Variants in GABRG3 observed in about 807,000 individuals in gnomAD.
GABRG3 encodes gamma-aminobutyric acid receptor subunit gamma-3.
Under a neutral mutation model 48.8 loss-of-function variants are expected in GABRG3, and 25 were observed. The observed-to-expected ratio is 0.51, with a 90% CI of 0.37 to 0.72. The LOEUF is 0.72. GABRG3 is among the 30% of genes least tolerant of loss of function. The pLI is 0.00. For missense variants in GABRG3, 394 were observed against 577.9 expected (o/e 0.68, Z 3.26); for synonymous variants, 227 against 217.6 (o/e 1.04, Z -0.38).
chr15:27,041,675 C>A (rs1896279162), intron 3 of GABRG3, among the ~76,000 whole-genome samples: 1 of 152,208 alleles, frequency 6.6e-6, no homozygotes, highest in South Asian at 2.1e-4. Context: ...TGCCAATCAT[C>A]AAAGCCAGAA....
At chr15:27,403,914 CAAAAAAAAA>C (rs528760544) in intron 5 of GABRG3, among the ~76,000 whole-genome samples, 10 of 68,554 alleles carry the variant, frequency 1.5e-4, no homozygotes, top group Admixed American at 1.0e-3. Flanking sequence ...CAAAAAAAAA[CAAAAAAAAA>C]AAAAACAAAA....
chr15:27,540,975 T>C lies in GABRG3; in HGVS notation c.*8094T>C, dbSNP rs1400234323. ...CGATAGCGTATTAGCACTAAGCCTC[T>C]GGTTAGGATAAAAAGGAGCAAGGGA... On this transcript the variant is annotated 3_prime_UTR_variant, in exon 10 of 10. Transcript: ENST00000615808. 2 of 152,156 alleles carry C rather than the reference T, an allele frequency of 1.3e-5. No individual in the cohort carries two copies. Among genetic ancestry groups the C allele is most frequent in the Non-Finnish European group, 2.9e-5 (2 of 68,040 alleles). 9.4% of individuals were successfully genotyped at this position (152,156 alleles called of 1,614,324 possible). A position where few individuals can be genotyped will look rare whatever the true frequency, so the allele number is the denominator to read the frequency against.
In GABRG3 at chr15:27,204,799, C is replaced by T. The variant is rs966247816; in HGVS notation, c.271-122010C>T. On this transcript the variant is annotated intron_variant, in intron 3 of 9. Transcript: ENST00000615808. ...TCTACATATGTCATTCTTTTTGTGGCCATTGTGAGTGAGATTGCATTCTTT... is the reference window on the plus strand; with the variant it reads ...TCTACATATGTCATTCTTTTTGTGGTCATTGTGAGTGAGATTGCATTCTTT... Among the ~76,000 whole-genome samples the T allele has an allele frequency of 2.0e-5, 3 of 152,082 alleles. No homozygotes were observed. The East Asian group carries it at 5.8e-4, about 29-fold the overall frequency.
intron 3 of GABRG3, among the ~76,000 whole-genome samples, chr15:27,253,936 T>C (rs1890536692): frequency 6.6e-6 from 1 of 152,228 alleles, no homozygotes; most frequent in Non-Finnish European, 1.5e-5. Flanking sequence ...TTTCCTGGTT[T>C]AAATAGAGTC....
Position 27,215,933 on chromosome 15 carries a change from G to T in GABRG3, c.271-110876G>T, listed in dbSNP as rs539764188. Among the ~76,000 whole-genome samples the T allele has an allele frequency of 3.9e-5, 6 of 152,292 alleles. No homozygotes were observed. In the South Asian group the frequency reaches 1.0e-3, roughly 26 times the overall value. The stretch of plus-strand genomic sequence containing the variant: ...TGCAATTTACAAATAATCTATACTC[G>T]TGTCTTTTTCTGAGCTGTGCTTGCT... On this transcript the variant is annotated intron_variant, in intron 3 of 9. Transcript: ENST00000615808.
At chr15:27,275,694 G>A (rs889030662) in intron 3 of GABRG3, among the ~76,000 whole-genome samples, 1 of 152,210 alleles carries the variant, frequency 6.6e-6, no homozygotes, top group Non-Finnish European at 1.5e-5. Context: ...GTTAAGAACA[G>A]ACAAATGATC....
intron 5 of GABRG3, among the ~76,000 whole-genome samples, chr15:27,380,422 G>A (rs1280036766): frequency 6.7e-6 from 1 of 148,152 alleles, no homozygotes. Context: ...CTGTGTGTGT[G>A]TGGTTTTTTT....
chr15:27,105,628 A>G (rs756364210), intron 3 of GABRG3, among the ~76,000 whole-genome samples: 3 of 152,062 alleles, frequency 2.0e-5, no homozygotes, highest in Admixed American at 6.5e-5. Context: ...TCAAAAAGCC[A>G]AAAGACAACA....
chr15:27,191,091 T>C (rs1752864213), intron 3 of GABRG3, among the ~76,000 whole-genome samples: 1 of 152,200 alleles, frequency 6.6e-6, no homozygotes, highest in Admixed American at 6.5e-5. Context: ...GTCTGAGAGA[T>C]AGTTTTGTTA....
rs544648972 is a variant in GABRG3, at chr15:26,974,148, T to C, written c.53+2560T>C. On this transcript the variant is annotated intron_variant, in intron 1 of 9. Coordinates refer to ENST00000615808, the MANE Select transcript of GABRG3 (RefSeq NM_033223.5). The surrounding 1 kb of genome is among the most constrained non-coding windows in gnomAD (Gnocchi z 4.3). ...GACCTAGAGCATCTCGGCCTCACTCTGCCCACTGCCTACCCAACCAGGCTA... is the reference window on the plus strand; with the variant it reads ...GACCTAGAGCATCTCGGCCTCACTCCGCCCACTGCCTACCCAACCAGGCTA... Among the ~76,000 whole-genome samples, 14 of 152,150 alleles carry C rather than the reference T, an allele frequency of 9.2e-5. No individual in the cohort carries two copies. Among genetic ancestry groups the C allele is most frequent in the Non-Finnish European group, 2.1e-4 (14 of 68,028 alleles).
At chr15:27,019,146 G>A (rs1163341231) in intron 2 of GABRG3, among the ~76,000 whole-genome samples, 1 of 130,716 alleles carries the variant, frequency 7.7e-6, no homozygotes. Flanking sequence ...TGGGCTCACT[G>A]CAAGCTCTGC....
intron 3 of GABRG3, among the ~76,000 whole-genome samples, chr15:27,268,054 A>G (rs902140059): frequency 9.2e-5 from 14 of 152,198 alleles, no homozygotes; most frequent in African/African-American, 3.4e-4. Flanking sequence ...CTGGCCTCAT[A>G]TAATGAGTTG....
intron 3 of GABRG3, among the ~76,000 whole-genome samples, chr15:27,256,502 C>T (rs1386648611): frequency 2.1e-4 from 10 of 48,728 alleles, no homozygotes; most frequent in Middle Eastern, 8.8e-3. Context: ...GTAGGGGGGG[C>T]GGGGAGAAGA....
intron 3 of GABRG3, among the ~76,000 whole-genome samples, chr15:27,288,192 G>GT (rs1319869999): frequency 6.6e-6 from 1 of 152,054 alleles, no homozygotes; most frequent in Non-Finnish European, 1.5e-5. Context: ...GGTCTTCATG[G>GT]TTTTCATCTT....
rs796781416 is a variant in GABRG3, at chr15:26,976,461, C to G, written c.54-541C>G. ...TCTGAGTGCCGGCAAAGCAGACCCC[C>G]TCACAATGCTCAAGTGCCTAGACCC... On this transcript the variant is annotated intron_variant, in intron 1 of 9. Transcript: ENST00000615808. The surrounding 1 kb of genome is among the most constrained non-coding windows in gnomAD (Gnocchi z 7.8). Among the ~76,000 whole-genome samples, 6 of 152,192 alleles carry G rather than the reference C, an allele frequency of 3.9e-5. No individual in the cohort carries two copies. Among genetic ancestry groups the G allele is most frequent in the African/African-American group, 1.4e-4 (6 of 41,450 alleles).
intron 3 of GABRG3, among the ~76,000 whole-genome samples, chr15:27,032,778 C>T (rs1896107468): frequency 6.6e-6 from 1 of 152,138 alleles, no homozygotes; most frequent in Non-Finnish European, 1.5e-5. Context: ...ACATCTAAAC[C>T]ATATCACCTG....
chr15:27,046,871 G>A (rs1279441199), intron 3 of GABRG3, among the ~76,000 whole-genome samples: 1 of 152,042 alleles, frequency 6.6e-6, no homozygotes, highest in African/African-American at 2.4e-5. Context: ...ACACTTAGAG[G>A]AATTTGATGT....
In GABRG3 at chr15:27,447,964, A is replaced by T. The variant is rs1888991773; in HGVS notation, c.575-32686A>T. On this transcript the variant is annotated intron_variant, in intron 5 of 9. Transcript: ENST00000615808. The surrounding 1 kb of genome is among the most constrained non-coding windows in gnomAD (Gnocchi z 4.0). ...GTGTATACCTATGTAGCAAACCTGT[A>T]TGTTCTGCACATGTATCCCAGAACT... Among the ~76,000 whole-genome samples the T allele has an allele frequency of 1.3e-5, 2 of 152,210 alleles. No homozygotes were observed. Among genetic ancestry groups the T allele is most frequent in the African/African-American group, 4.8e-5 (2 of 41,456 alleles).
intron 3 of GABRG3, among the ~76,000 whole-genome samples, chr15:27,244,413 T>A (rs987388396): frequency 1.3e-5 from 2 of 152,172 alleles, no homozygotes; most frequent in African/African-American, 4.8e-5. Flanking sequence ...CAGGAGGTGC[T>A]GAGGTTCAGG....
Sources: gnomAD v4.1 joint callset for allele counts (sites outside exome capture counted in the v4.1 genomes callset) on GRCh38, gnomAD v4.1.1 for gene constraint, Gnocchi (gnomAD v3.1) non-coding constraint, MANE v1.5 for transcripts, NCBI Gene and HGNC (gene_info 2026-07-23, HGNC 2026-07-21) for gene names.